SLC24A1: variants seen among roughly 807,000 people sequenced by gnomAD.
SLC24A1 encodes the protein sodium/potassium/calcium exchanger 1.
SLC24A1 carries 52 observed loss-of-function variants against 88.1 expected under a neutral mutation model. That is an observed-to-expected ratio of 0.59 (90% CI 0.47 to 0.74). The LOEUF (loss-of-function observed/expected upper bound fraction) is 0.74. Among genes scored for constraint, SLC24A1 ranks in the 30% least tolerant of loss-of-function variants. SLC24A1 has a pLI of 0.00. For synonymous variants in SLC24A1, 455 were observed against 498.0 expected, an observed-to-expected ratio of 0.91 and a Z score of 1.15; for missense variants, 1,173 against 1,363.3, an observed-to-expected ratio of 0.86 and a Z score of 2.20.
Position 65,650,400 on chromosome 15 carries a change from G to C in SLC24A1, c.2251G>C (p.Glu751Gln). Residue 751 changes from glutamate to glutamine, a missense_variant, in exon 7 of 10, where the codon GAG becomes CAG. Physicochemically the swap from Glu to Gln is conservative, Grantham distance 29 (BLOSUM62 2). Transcript: ENST00000261892. The surrounding 1 kb of genome is among the most constrained non-coding windows in gnomAD (Gnocchi z 4.1). Reference sequence around the variant, plus strand: ...ATTGCAGGAAGATGTGGCTGAGGCCGAGAGCACAGGTGAAATGCCAGGCGA... The same window carrying C: ...ATTGCAGGAAGATGTGGCTGAGGCCCAGAGCACAGGTGAAATGCCAGGCGA... Reference protein sequence around the residue: ...PGGQEDVAEAESTGEMPGEEG... With the variant: ...PGGQEDVAEAQSTGEMPGEEG... 1 of 1,551,392 alleles carries C rather than the reference G, an allele frequency of 6.4e-7. No homozygotes were observed. The highest frequency in any genetic ancestry group is 8.7e-7 in the Non-Finnish European group (1 of 1,146,700).
intron 2 of SLC24A1, among the ~76,000 whole-genome samples, chr15:65,636,753 G>A (rs1031482956): frequency 1.3e-5 from 2 of 152,004 alleles, no homozygotes; most frequent in Non-Finnish European, 2.9e-5. Flanking sequence ...GCAAACACCT[G>A]TAATCCCAGC....
exon 1 of SLC24A1, chr15:65,611,468 G>T: frequency 2.1e-6 from 1 of 467,882 alleles, no homozygotes. Flanking sequence ...CTGACCCATG[G>T]GCCTCACCTG....
Position 65,654,976 on chromosome 15 carries a change from C to A in SLC24A1, c.*897C>A, listed in dbSNP as rs1454393487. 2.1e-5 allele frequency: 21 copies of A among 1,018,892 alleles called. No individual in the cohort carries two copies. Among genetic ancestry groups the A allele is most frequent in the Non-Finnish European group, 2.4e-5 (20 of 849,242 alleles). The allele number at this position is 1,018,892 out of a possible 1,614,324, so 63.1% of individuals were successfully genotyped here. On this transcript the variant is annotated 3_prime_UTR_variant, in exon 10 of 10. Coordinates refer to ENST00000261892, the MANE Select transcript of SLC24A1 (RefSeq NM_004727.3). The stretch of plus-strand genomic sequence containing the variant: ...TTTCTGAAAAGTGAAATTTAAAAAG[C>A]AGCCTGAAAAATAAAAATTTATAAT...
chr15:65,652,626 CG>C lies in SLC24A1; in HGVS notation c.2884-15del. 1 of 1,612,698 alleles carries C rather than the reference CG, an allele frequency of 6.2e-7. No individual in the cohort carries two copies. Among genetic ancestry groups the C allele is most frequent in the Non-Finnish European group, 8.5e-7 (1 of 1,179,268 alleles). ...CTCAGGTTTTTCACCTACTGTTGAC[CG>C]TTGCCGTTTACCAGGTTGGTGAAAC... On this transcript the variant is annotated splice_polypyrimidine_tract_variant and intron_variant, in intron 8 of 9. Coordinates refer to ENST00000261892, the MANE Select transcript of SLC24A1 (RefSeq NM_004727.3).
At chr15:65,621,660 G>A (rs930023029), upstream of SLC24A1, among the ~76,000 whole-genome samples, 3 of 152,118 alleles carry the variant, frequency 2.0e-5, no homozygotes, top group Non-Finnish European at 2.9e-5. Flanking sequence ...TTCTCAGAGC[G>A]CCTTCTGAAT....
chr15:65,616,888 G>A (rs1478474318), intron 2 of SLC24A1, among the ~76,000 whole-genome samples: 4 of 152,156 alleles, frequency 2.6e-5, no homozygotes, highest in Non-Finnish European at 4.4e-5. Flanking sequence ...AATCCATCTT[G>A]AATTAATTTT....
chr15:65,627,385 T>A (rs2074555156), intron 2 of SLC24A1, among the ~76,000 whole-genome samples: 1 of 152,190 alleles, frequency 6.6e-6, no homozygotes, highest in South Asian at 2.1e-4. Flanking sequence ...TCTGATCTGG[T>A]CAACTGAGCT....
intron 2 of SLC24A1, among the ~76,000 whole-genome samples, chr15:65,614,300 G>A (rs1431075135): frequency 2.0e-5 from 3 of 152,092 alleles, no homozygotes; most frequent in African/African-American, 7.2e-5. Flanking sequence ...ATCTTTAAAA[G>A]AGAACTTAAA....
rs766002375 is a variant in SLC24A1 at position 65,652,742 on chromosome 15, G to A, written c.2984G>A (p.Arg995Gln). The A allele has an allele frequency of 9.3e-6, 15 of 1,613,834 alleles. No individual in the cohort carries two copies. The highest frequency in any genetic ancestry group is 1.3e-5 in the African/African-American group (1 of 75,028). Residue 995 changes from arginine (R) to glutamine (Q), a missense_variant, in exon 9 of 10, where the codon CGA (arginine) becomes CAA (glutamine). Arg to Gln is a conservative substitution (Grantham distance 43, BLOSUM62 1). Coordinates refer to ENST00000261892, the MANE Select transcript of SLC24A1 (RefSeq NM_004727.3). The part of the protein sequence containing the change: ...PDLITSVIVA[R>Q]KGLGDMAVSS... ...CTCATCACCAGTGTGATTGTCGCTC[G>A]AAAAGGCCTGGGAGACATGGCTGTG... is the stretch of plus-strand genomic sequence containing the variant.
chr15:65,612,521 G>C (rs145291607), intron 1 of SLC24A1: 2 of 152,292 alleles, frequency 1.3e-5, no homozygotes, highest in African/African-American at 4.8e-5. Flanking sequence ...GGGCCCTGCA[G>C]ACTGCCCTAT....
At chr15:65,617,401 C>T (rs1247468434), upstream of SLC24A1, among the ~76,000 whole-genome samples, 3 of 152,168 alleles carry the variant, frequency 2.0e-5, no homozygotes, top group Non-Finnish European at 2.9e-5. Context: ...TCTTTTATTT[C>T]GTTGAGCAGT....
At chr15:65,633,277 A>G (rs1011272313) in intron 2 of SLC24A1, among the ~76,000 whole-genome samples, 2 of 152,234 alleles carry the variant, frequency 1.3e-5, no homozygotes, top group African/African-American at 4.8e-5. Context: ...TTAGTCTGAA[A>G]AAATGGATGT....
At chr15:65,659,498 G>A (rs1333507149), downstream of SLC24A1, 1 of 151,162 alleles carries the variant, frequency 6.6e-6, no homozygotes. Context: ...ACCATACCGA[G>A]CAAATTTAAA....
Position 65,625,464 on chromosome 15 carries a change from A to G in SLC24A1, c.1384A>G (p.Met462Val), listed in dbSNP as rs781079695. ...QGWVVLHVFG[M>V]MYVFVALAIV... is the part of the protein sequence containing the mutation. ...CTGGGTGGTCCTGCACGTTTTTGGC[A>G]TGATGTATGTGTTTGTGGCCTTGGC... Residue 462 changes from methionine (M) to valine (V), a missense_variant, in exon 2 of 10, where the codon ATG (methionine) becomes GTG (valine). Physicochemically the swap from Met to Val is conservative, Grantham distance 21. Coordinates refer to ENST00000261892, the MANE Select transcript of SLC24A1 (RefSeq NM_004727.3). The G allele has an allele frequency of 4.3e-6, 7 of 1,613,846 alleles. No homozygotes were observed. The highest frequency in any genetic ancestry group is 5.9e-6 in the Non-Finnish European group (7 of 1,179,880).
intron 6 of SLC24A1, among the ~76,000 whole-genome samples, chr15:65,646,762 A>G (rs1233456405): frequency 6.6e-6 from 1 of 152,174 alleles, no homozygotes; most frequent in Non-Finnish European, 1.5e-5. Flanking sequence ...TGCAAGTTCC[A>G]TCTCTTTTTT....
intron 2 of SLC24A1, among the ~76,000 whole-genome samples, chr15:65,635,461 A>AAAAAAAAAAG: frequency 2.7e-5 from 4 of 148,410 alleles, no homozygotes; most frequent in Non-Finnish European, 4.5e-5. Flanking sequence ...AAAAAAAAAA[A>AAAAAAAAAAG]AAAAAAAAAG....
downstream of SLC24A1, among the ~76,000 whole-genome samples, chr15:65,658,950 A>G (rs1264996149): frequency 6.6e-6 from 1 of 152,222 alleles, no homozygotes; most frequent in Non-Finnish European, 1.5e-5. Context: ...TTTTAGAGCA[A>G]AACAGAAATC....
chr15:65,648,487 C>CTT (rs1161784695), intron 6 of SLC24A1, among the ~76,000 whole-genome samples: 2 of 144,932 alleles, frequency 1.4e-5, no homozygotes, highest in Admixed American at 6.9e-5. Context: ...AATTTTATCT[C>CTT]TTTTTTTTTT....
chr15:65,650,988 C>T lies in SLC24A1; in HGVS notation c.2793+46C>T, dbSNP rs752369037. On this transcript the variant is annotated intron_variant, in intron 7 of 9. Transcript: ENST00000261892. The surrounding 1 kb of genome is among the most constrained non-coding windows in gnomAD (Gnocchi z 4.1). ...CTCAGACTCTTTATCCCCAGCAGGG[C>T]TGTGGGGTCTCTCGGCATGCGGGGC... is the stretch of plus-strand genomic sequence containing the variant. 6.5e-6 allele frequency: 10 copies of T among 1,539,306 alleles called. No individual in the cohort carries two copies. Among genetic ancestry groups the T allele is most frequent in the African/African-American group, 1.4e-5 (1 of 73,388 alleles).
Sources: gnomAD v4.1 joint callset for allele counts (sites outside exome capture counted in the v4.1 genomes callset) on GRCh38, gnomAD v4.1.1 for gene constraint, Gnocchi (gnomAD v3.1) non-coding constraint, MANE v1.5 for transcripts, NCBI Gene and HGNC (gene_info 2026-07-23, HGNC 2026-07-21) for gene names.